Variants in MX2 observed in about 807,000 individuals in gnomAD.
MX2 encodes MX dynamin like GTPase 2.
A neutral mutation model predicts 74.0 loss-of-function variants in MX2; 51 were observed. That is an observed-to-expected ratio of 0.69 (90% CI 0.55 to 0.87). The LOEUF is 0.87. Among genes scored for constraint, MX2 ranks in the 40% least tolerant of loss-of-function variants. MX2 has a pLI of 0.00. For missense variants in MX2, 832 were observed against 908.7 expected (o/e 0.92, Z 1.09); for synonymous variants, 369 against 339.3 (o/e 1.09, Z -0.96).
chr21:41,372,560 C>T (rs1269646759), intron 1 of MX2, among the ~76,000 whole-genome samples: 5 of 152,118 alleles, frequency 3.3e-5, no homozygotes, highest in East Asian at 1.9e-4. Flanking sequence ...GTAAGGACAT[C>T]GCCCTTGACT....
At chr21:41,367,787 C>A (rs2145852909) in intron 1 of MX2, among the ~76,000 whole-genome samples, 1 of 152,280 alleles carries the variant, frequency 6.6e-6, no homozygotes, top group Non-Finnish European at 1.5e-5. Flanking sequence ...GCTGGCCTCA[C>A]CTCTCCTCTG....
Position 41,380,247 on chromosome 21 carries a change from A to G in MX2, c.577+96A>G. The G allele has an allele frequency of 6.5e-7, 1 of 1,531,882 alleles. No individual in the cohort carries two copies. Among genetic ancestry groups the G allele is most frequent in the East Asian group, 2.3e-5 (1 of 44,198 alleles). The allele number at this position is 1,531,882 out of a possible 1,614,324, so 94.9% of individuals were successfully genotyped here. ...TCCTCAAGTCACCCCCACAGTGACC[A>G]CTCAGCTCCTAGCCCCATGTGCTCC... On this transcript the variant is annotated intron_variant, in intron 4 of 13. Coordinates refer to ENST00000330714, the MANE Select transcript of MX2 (RefSeq NM_002463.2). This position sits in a 1 kb window ranked among gnomAD's most constrained non-coding sequence, Gnocchi z 4.3.
At chr21:41,389,530 ATACATACATACATACATACG>A in intron 5 of MX2, 1 of 152,206 alleles carries the variant, frequency 6.6e-6, no homozygotes, top group African/African-American at 2.4e-5. Context: ...CAGTAAGTAC[ATACATACATACATACATACG>A]TACATACATA....
chr21:41,393,828 G>C (rs141222732), intron 6 of MX2, among the ~76,000 whole-genome samples: 1 of 152,050 alleles, frequency 6.6e-6, no homozygotes, highest in Non-Finnish European at 1.5e-5. Flanking sequence ...TCTTGGTTTC[G>C]TACTCCATCC....
At position 41,403,324 on chromosome 21, in the gene MX2, A is replaced by G. The variant is rs1393712907; in HGVS notation, c.1631A>G (p.Asn544Ser). 6.2e-7 allele frequency: 1 copy of G among 1,613,770 alleles called. No individual in the cohort carries two copies. Among genetic ancestry groups the G allele is most frequent in the South Asian group, 1.1e-5 (1 of 91,072 alleles). The change falls in exon 12 of 14, where the codon AAC becomes AGC. Residue 544 changes from asparagine to serine, a missense_variant. Transcript: ENST00000330714. ...VAKKHFGEFFNLNQTVQSTIE... is the reference protein window; with the variant it reads ...VAKKHFGEFFSLNQTVQSTIE... ...AAAAAACATTTTGGCGAATTTTTCA[A>G]CCTTAACCAAACTGTTCAGGTAAGC...
chr21:41,390,004 C>T (rs968101841), intron 5 of MX2: 15 of 152,624 alleles, frequency 9.8e-5, no homozygotes, highest in African/African-American at 3.4e-4. Flanking sequence ...AAGAACAAAT[C>T]GCAGGTAAAA....
At chr21:41,405,498 G>A (rs1054326384) in intron 12 of MX2, among the ~76,000 whole-genome samples, 3 of 151,988 alleles carry the variant, frequency 2.0e-5, no homozygotes, top group African/African-American at 7.3e-5. Flanking sequence ...ACGGTGGAAA[G>A]AGCGCTCTCT....
At chr21:41,379,255 G>A (rs139280547) in intron 3 of MX2, among the ~76,000 whole-genome samples, 5 of 152,168 alleles carry the variant, frequency 3.3e-5, no homozygotes, top group Admixed American at 6.5e-5. Context: ...GGGCAGGCAC[G>A]GGACCCTGGG....
intron 9 of MX2, 61 bp from the exon 10 acceptor site, chr21:41,399,135 C>G: frequency 6.3e-7 from 1 of 1,599,182 alleles, no homozygotes; most frequent in Non-Finnish European, 8.5e-7. Context: ...CTCCTTGCAA[C>G]GCCGGTCCCA....
Position 41,376,802 on chromosome 21 carries a change from C to T in MX2, c.-71-34C>T, listed in dbSNP as rs77355419. The T allele has an allele frequency of 4.6e-3, 7,009 of 1,533,196 alleles. 257 individuals carry two copies. The African/African-American group carries it at 0.083, about 18-fold the overall frequency. The allele number at this position is 1,533,196 out of a possible 1,614,324, so 95.0% of individuals were successfully genotyped here. On this transcript the variant is annotated intron_variant, in intron 1 of 13. Coordinates refer to ENST00000330714, the MANE Select transcript of MX2 (RefSeq NM_002463.2). ...CCAACTCAGGGAGGACTTCTGGTGA[C>T]CTGTGGGCCGCTCTCCCTCTTGTGT...
intron 1 of MX2, chr21:41,370,359 CG>C (rs1471333826): frequency 6.6e-6 from 1 of 152,252 alleles, no homozygotes; most frequent in Non-Finnish European, 1.5e-5. Flanking sequence ...AGTACGATGA[CG>C]GTCCTCGGGC....
chr21:41,402,244 C>T lies in MX2; in HGVS notation c.1573+116C>T. ...CCAAACCAGCCTGCAGACACGCTCA[C>T]TGGTGTGCTAGATTGCTACTCTGTG... On this transcript the variant is annotated intron_variant, in intron 11 of 13. Coordinates refer to ENST00000330714, the MANE Select transcript of MX2 (RefSeq NM_002463.2). This position sits in a 1 kb window ranked among gnomAD's most constrained non-coding sequence, Gnocchi z 4.5. The T allele has an allele frequency of 4.8e-6, 6 of 1,240,050 alleles. No homozygotes were observed. The highest frequency in any genetic ancestry group is 6.7e-6 in the Non-Finnish European group (6 of 899,874). The allele number at this position is 1,240,050 out of a possible 1,614,324, so 76.8% of individuals were successfully genotyped here.
At position 41,380,105 on chromosome 21, in the gene MX2, G is replaced by A. The variant is rs772046116; in HGVS notation, c.531G>A (p.Glu177=). 5.3e-5 allele frequency: 86 copies of A among 1,613,894 alleles called. No individual in the cohort carries two copies. In the South Asian group the frequency reaches 8.3e-4, roughly 16 times the overall value. Residue 177 remains glutamate, a synonymous_variant, in exon 4 of 14, where the codon GAG becomes GAA. Transcript: ENST00000330714. This position sits in a 1 kb window ranked among gnomAD's most constrained non-coding sequence, Gnocchi z 4.3. ...GAAGGATCAGCTACCGGAACACCGA[G>A]CTAGAGCTTCAGGACCCTGGCCAGG... is the stretch of plus-strand genomic sequence containing the variant. ...WAGRISYRNT[E]LELQDPGQVE...
At chr21:41,374,302 C>T (rs796772893) in intron 1 of MX2, among the ~76,000 whole-genome samples, 22 of 152,388 alleles carry the variant, frequency 1.4e-4, no homozygotes, top group African/African-American at 5.3e-4. Flanking sequence ...TTATCCTAAA[C>T]CCGGACTGTG....
Position 41,376,923 on chromosome 21 carries a change from A to G in MX2, c.17A>G (p.Lys6Arg), listed in dbSNP as rs769481159. ...AGACAGCACATGTCTAAGGCCCACA[A>G]GCCTTGGCCCTACCGGAGGAGAAGT... MSKAHKPWPYRRRSQF... is the reference protein window; with the variant it reads MSKAHRPWPYRRRSQF... Residue 6 changes from lysine (K) to arginine (R), a missense_variant, in exon 2 of 14, where the codon AAG (lysine) becomes AGG (arginine). Lys to Arg is a conservative substitution (Grantham distance 26, BLOSUM62 2). Transcript: ENST00000330714. 6.8e-6 allele frequency: 11 copies of G among 1,613,998 alleles called. No individual in the cohort carries two copies. The South Asian group carries it at 7.7e-5, about 11-fold the overall frequency.
At chr21:41,390,511 G>A in intron 5 of MX2, 54 bp from the exon 6 acceptor site, 4 of 1,609,018 alleles carry the variant, frequency 2.5e-6, no homozygotes, top group Non-Finnish European at 1.7e-6. Flanking sequence ...CCGTGCTGCT[G>A]AGTGACCAGA....
chr21:41,383,278 C>T (rs536301736), intron 5 of MX2, among the ~76,000 whole-genome samples: 32 of 152,228 alleles, frequency 2.1e-4, no homozygotes, highest in Admixed American at 1.8e-3. Flanking sequence ...TAGGACCACC[C>T]AAGCCCAGGA....
At chr21:41,386,605 G>A (rs1264632259) in intron 5 of MX2, among the ~76,000 whole-genome samples, 1 of 152,166 alleles carries the variant, frequency 6.6e-6, no homozygotes, top group Non-Finnish European at 1.5e-5. Flanking sequence ...CCTCTCTCCT[G>A]CAGATCGGGG....
At chr21:41,365,157 G>A (rs947898781) in intron 1 of MX2, 3 of 152,180 alleles carry the variant, frequency 2.0e-5, no homozygotes, top group African/African-American at 7.2e-5. Context: ...TTTCCAGTAG[G>A]GTGGGCCCTA....
Sources: gnomAD v4.1 joint callset for allele counts (sites outside exome capture counted in the v4.1 genomes callset) on GRCh38, gnomAD v4.1.1 for gene constraint, Gnocchi (gnomAD v3.1) non-coding constraint, MANE v1.5 for transcripts, NCBI Gene and HGNC (gene_info 2026-07-23, HGNC 2026-07-21) for gene names.